ZNF761: variants seen among roughly 807,000 people sequenced by gnomAD.
The protein encoded by ZNF761 is zinc finger protein 761.
A neutral mutation model predicts 59.9 loss-of-function variants in ZNF761; 43 were observed. The observed-to-expected ratio is 0.72, with a 90% CI of 0.56 to 0.92. The LOEUF (loss-of-function observed/expected upper bound fraction) is 0.92. ZNF761 is among the 40% of genes least tolerant of loss of function. The pLI, the probability that ZNF761 is intolerant of heterozygous loss-of-function variation, is 0.00. For missense variants in ZNF761, 850 were observed against 906.1 expected (o/e 0.94, Z 0.79); for synonymous variants, 294 against 304.8 (o/e 0.96, Z 0.37).
Position 53,456,207 on chromosome 19 carries a change from G to A in ZNF761, c.1700G>A (p.Arg567His), listed in dbSNP as rs566316404. ...KTFNQQLTLK[R>H]HRRLHSGENP... is the part of the protein sequence containing the mutation. Reference sequence around the variant, plus strand: ...TTCAATCAGCAGTTAACCCTTAAACGCCATCGTAGACTTCATAGTGGAGAG... The same window carrying A: ...TTCAATCAGCAGTTAACCCTTAAACACCATCGTAGACTTCATAGTGGAGAG... Residue 567 changes from arginine (R) to histidine (H), a missense_variant, in exon 5 of 5, where the codon CGC becomes CAC. Arg to His is a conservative substitution (Grantham distance 29, BLOSUM62 0). Transcript: ENST00000684525. 11 of 1,613,922 alleles carry A rather than the reference G, an allele frequency of 6.8e-6. No homozygotes were observed. The highest frequency in any genetic ancestry group is 2.7e-5 in the African/African-American group (2 of 74,964).
chr19:53,435,413 T>A (rs555886483), intron 1 of ZNF761, among the ~76,000 whole-genome samples: 12 of 145,182 alleles, frequency 8.3e-5, no homozygotes, highest in African/African-American at 1.0e-4. Flanking sequence ...CAAGCGATTC[T>A]CCTGCCTCAG....
At position 53,457,564 on chromosome 19, in the gene ZNF761, AGTTGG is replaced by A. The variant is rs1273196749; in HGVS notation, c.*817_*821del. The A allele has an allele frequency of 3.0e-6, 1 of 338,808 alleles. No homozygotes were observed. Among genetic ancestry groups the A allele is most frequent in the Non-Finnish European group, 5.9e-6 (1 of 169,364 alleles). 21.0% of individuals were successfully genotyped at this position (338,808 alleles called of 1,614,324 possible). On this transcript the variant is annotated 3_prime_UTR_variant, in exon 5 of 5. Transcript: ENST00000684525. ...ATATGAGAAAATTCATTTTGGAGGT[AGTTGG>A]TCCATATGCAATGAGTAGAGCAAAC...
In ZNF761 at chr19:53,447,241, G is replaced by A. The variant is rs776277887; in HGVS notation, c.-28G>A. On this transcript the variant is annotated 5_prime_UTR_variant, in exon 3 of 5. Coordinates refer to ENST00000684525, the MANE Select transcript of ZNF761 (RefSeq NM_001289951.2). ...TGGTACGTGAGGAAGAAACCCGGAA[G>A]AGGAAGAGGAGAGCAAAGGAGTCAG... 6.2e-7 allele frequency: 1 copy of A among 1,611,698 alleles called. No homozygotes were observed. The highest frequency in any genetic ancestry group is 8.5e-7 in the Non-Finnish European group (1 of 1,179,024).
At chr19:53,453,728 T>C (rs1427894361) in intron 4 of ZNF761, among the ~76,000 whole-genome samples, 1 of 151,974 alleles carries the variant, frequency 6.6e-6, no homozygotes, top group Non-Finnish European at 1.5e-5. Context: ...ATACAAAAAT[T>C]AGCCAAGCAT....
chr19:53,436,245 GT>G (rs2086041033), intron 1 of ZNF761, among the ~76,000 whole-genome samples: 1 of 152,210 alleles, frequency 6.6e-6, no homozygotes, highest in South Asian at 2.1e-4. Flanking sequence ...TCCTAGAGAA[GT>G]TGGATTCTAC....
rs879122395 is a variant in ZNF761 at position 53,456,037 on chromosome 19, A to G, written c.1530A>G (p.Thr510=). 4 of 1,613,792 alleles carry G rather than the reference A, an allele frequency of 2.5e-6. No individual in the cohort carries two copies. The highest frequency in any genetic ancestry group is 1.3e-5 in the African/African-American group (1 of 74,856). The change falls in exon 5 of 5, where the codon ACA becomes ACG. Residue 510 remains threonine (T), a synonymous_variant. Transcript: ENST00000684525. ...CCTTTAGTCGGAAGTCATACCTCAC[A>G]TGCCATCATAGACTTCATACTGGAG... The part of the protein sequence containing the change: ...GKTFSRKSYL[T]CHHRLHTGEK...
rs747745051 is a variant in ZNF761, at chr19:53,455,997, A to G, written c.1490A>G (p.Asn497Ser). Residue 497 changes from asparagine to serine, a missense_variant, in exon 5 of 5, where the codon AAT (asparagine) becomes AGT (serine). Coordinates refer to ENST00000684525, the MANE Select transcript of ZNF761 (RefSeq NM_001289951.2). ...IHTGEKPYKC[N>S]ECGKTFSRKS... ...ACTGGAGAGAAACCATACAAGTGTA[A>G]TGAGTGTGGCAAGACCTTTAGTCGG... 2.9e-5 allele frequency: 46 copies of G among 1,613,900 alleles called. No individual in the cohort carries two copies. Among genetic ancestry groups the G allele is most frequent in the Middle Eastern group, 3.3e-4 (2 of 6,082 alleles).
rs1455120362 is a variant in ZNF761, at chr19:53,458,035, ATTTC to A, written c.*1291_*1294del. 7 of 152,464 alleles carry A rather than the reference ATTTC, an allele frequency of 4.6e-5. No homozygotes were observed. Among genetic ancestry groups the A allele is most frequent in the African/African-American group, 1.2e-4 (5 of 41,444 alleles). The allele number at this position is 152,464 out of a possible 1,614,324, so 9.4% of individuals were successfully genotyped here. A position where few individuals can be genotyped will look rare whatever the true frequency, so the allele number is the denominator to read the frequency against. On this transcript the variant is annotated 3_prime_UTR_variant, in exon 5 of 5. Transcript: ENST00000684525. ...GACCTTTGTACGTTTATTTCTAAGTATTTCTTTAAGTTCTCCAGCAAATGGAAGT... is the reference window on the plus strand; with the variant it reads ...GACCTTTGTACGTTTATTTCTAAGTATTTAAGTTCTCCAGCAAATGGAAGT...
At chr19:53,432,879 G>T (rs1160359768) in intron 1 of ZNF761, among the ~76,000 whole-genome samples, 1 of 151,544 alleles carries the variant, frequency 6.6e-6, no homozygotes, top group Non-Finnish European at 1.5e-5. Flanking sequence ...GGACAGCAAG[G>T]TAGGGAGAGG....
In ZNF761 at chr19:53,454,668, C is replaced by G. The variant is rs143107546; in HGVS notation, c.161C>G (p.Thr54Arg). ...TTTGTAGATATCTCTTCCAAATGCA[C>G]GATGAAGGAGTTCTTGTCAACAGCG... ...LVSLDISSKC[T>R]MKEFLSTAQG... The change falls in exon 5 of 5, where the codon ACG (threonine) becomes AGG (arginine). Residue 54 changes from threonine to arginine, a missense_variant. By Grantham distance (71) the Thr-to-Arg change is moderately conservative (BLOSUM62 -1). Transcript: ENST00000684525. The G allele has an allele frequency of 1.3e-6, 2 of 1,597,774 alleles. No individual in the cohort carries two copies. The highest frequency in any genetic ancestry group is 2.7e-5 in the African/African-American group (2 of 74,270).
chr19:53,447,250 G>T lies in ZNF761; in HGVS notation c.-19G>T. 6.2e-7 allele frequency: 1 copy of T among 1,612,456 alleles called. No homozygotes were observed. Among genetic ancestry groups the T allele is most frequent in the Admixed American group, 1.7e-5 (1 of 59,958 alleles). ...AGGAAGAAACCCGGAAGAGGAAGAGGAGAGCAAAGGAGTCAGGGATGGCTT... is the reference window on the plus strand; with the variant it reads ...AGGAAGAAACCCGGAAGAGGAAGAGTAGAGCAAAGGAGTCAGGGATGGCTT... On this transcript the variant is annotated 5_prime_UTR_variant, in exon 3 of 5. Transcript: ENST00000684525.
chr19:53,450,113 G>A (rs369094857), intron 4 of ZNF761: 48 of 274,732 alleles, frequency 1.7e-4, no homozygotes, highest in African/African-American at 2.2e-4. Context: ...GACCAGCCCG[G>A]CCAACATGGT....
At chr19:53,450,925 G>A (rs1266318625) in intron 4 of ZNF761, among the ~76,000 whole-genome samples, 1 of 151,636 alleles carries the variant, frequency 6.6e-6, no homozygotes, top group African/African-American at 2.4e-5. Context: ...AACCCAGGAG[G>A]TGGAGGTTGC....
At chr19:53,450,102 A>AAG in intron 4 of ZNF761, 2 of 316,994 alleles carry the variant, frequency 6.3e-6, no homozygotes, top group Non-Finnish European at 1.1e-5. Context: ...CAGGCGATCG[A>AAG]GACCAGCCCG....
chr19:53,445,449 C>T (rs143108698), intron 1 of ZNF761, among the ~76,000 whole-genome samples: 1,551 of 152,250 alleles, frequency 0.01, 22 homozygotes, highest in African/African-American at 0.035. Context: ...CACACCTTCT[C>T]ACTCATCTCA....
At chr19:53,452,487 G>A (rs1372083220) in intron 4 of ZNF761, among the ~76,000 whole-genome samples, 5 of 151,856 alleles carry the variant, frequency 3.3e-5, no homozygotes, top group Non-Finnish European at 5.9e-5. Context: ...GGGCTGAGGC[G>A]GGAGAATCTC....
intron 4 of ZNF761, among the ~76,000 whole-genome samples, chr19:53,451,163 G>C (rs2086218211): frequency 6.6e-6 from 1 of 152,090 alleles, no homozygotes; most frequent in Non-Finnish European, 1.5e-5. Flanking sequence ...ATGAAGAAAA[G>C]GTACACTTAT....
intron 1 of ZNF761, among the ~76,000 whole-genome samples, chr19:53,435,341 G>A (rs1335402332): frequency 1.3e-5 from 1 of 74,530 alleles, no homozygotes; most frequent in Admixed American, 2.3e-4. Context: ...TTTTGCTCTT[G>A]TTGCCCAGTC....
chr19:53,447,345 A>G (rs949586690), intron 3 of ZNF761, 62 bp downstream of exon 3: 1 of 1,599,082 alleles, frequency 6.3e-7, no homozygotes, highest in African/African-American at 1.3e-5. Flanking sequence ...TGGGCCTTGG[A>G]GTTGGGAATC....
Sources: gnomAD v4.1 joint callset for allele counts (sites outside exome capture counted in the v4.1 genomes callset) on GRCh38, gnomAD v4.1.1 for gene constraint, MANE v1.5 for transcripts, NCBI Gene and HGNC (gene_info 2026-07-23, HGNC 2026-07-21) for gene names.